Variants in ZNF354B observed in about 807,000 individuals in gnomAD.
ZNF354B encodes the protein zinc finger protein 354B.
Under a neutral mutation model 12.9 loss-of-function variants are expected in ZNF354B, and 10 were observed. The ratio of observed to expected loss-of-function variants is 0.77; its 90% CI spans 0.48 to 1.31. ZNF354B has a LOEUF of 1.31. ZNF354B is among the 40% of genes most tolerant of loss of function. The probability of loss-of-function intolerance (pLI) is 0.00; values close to 1 mark genes in which losing one functional copy is unlikely to be tolerated. For missense variants in ZNF354B, 614 were observed against 711.7 expected (o/e 0.86, Z 1.56); for synonymous variants, 260 against 243.7 (o/e 1.07, Z -0.62).
chr5:178,882,891 G>T lies in ZNF354B; in HGVS notation c.439G>T (p.Ala147Ser). 3 of 1,599,124 alleles carry T rather than the reference G, an allele frequency of 1.9e-6. No homozygotes were observed. In the South Asian group the frequency reaches 3.5e-5, roughly 18 times the overall value. The change falls in exon 5 of 5, where the codon GCC (alanine) becomes TCC (serine). Residue 147 changes from alanine to serine, a missense_variant. By Grantham distance (99) the Ala-to-Ser change is moderately conservative. Transcript: ENST00000322434. ...TGAAAATTTACAAATAATTTCAGTT[G>T]CCCATACAAAAATCCTTACTGTAGA... The part of the protein sequence containing the change: ...KNENLQIISV[A>S]HTKILTVDRS...
At chr5:178,875,558 A>G (rs553820871) in intron 4 of ZNF354B, among the ~76,000 whole-genome samples, 1 of 152,270 alleles carries the variant, frequency 6.6e-6, no homozygotes, top group South Asian at 2.1e-4. Context: ...AGCAAGGGCA[A>G]TACCACTGCA....
rs1031245461 is a variant in ZNF354B at position 178,884,018 on chromosome 5, T to A, written c.1566T>A (p.Tyr522Ter). The change falls in exon 5 of 5, where the codon TAT (tyrosine) becomes TAA (stop). Residue 522 changes from tyrosine (Y) to a stop codon, truncating the protein, a stop_gained. Transcript: ENST00000322434. LOFTEE classifies it low-confidence loss of function (END_TRUNC). ...HQRIHTGEKP[Y>*]RCLECGMSFG... ...GAATTCATACTGGAGAGAAACCATA[T>A]CGATGTTTAGAATGTGGGATGTCTT... 2 of 1,614,114 alleles carry A rather than the reference T, an allele frequency of 1.2e-6. No homozygotes were observed. Among genetic ancestry groups the A allele is most frequent in the Non-Finnish European group, 1.7e-6 (2 of 1,179,982 alleles).
chr5:178,883,692 G>C lies in ZNF354B; in HGVS notation c.1240G>C (p.Glu414Gln). The change falls in exon 5 of 5, where the codon GAA becomes CAA. Residue 414 changes from glutamate (E) to glutamine (Q), a missense_variant. Coordinates refer to ENST00000322434, the MANE Select transcript of ZNF354B (RefSeq NM_058230.3). ...HTGEKPYRCN[E>Q]CGKGFTSISR... ...CGGAGAAAAGCCCTATAGATGCAAT[G>C]AATGTGGGAAAGGCTTTACTTCTAT... The C allele has an allele frequency of 1.2e-6, 2 of 1,614,094 alleles. No individual in the cohort carries two copies. Among genetic ancestry groups the C allele is most frequent in the East Asian group, 4.5e-5 (2 of 44,862 alleles).
chr5:178,882,638 C>A, intron 4 of ZNF354B, 71 bp from the exon 5 acceptor site: 1 of 1,428,696 alleles, frequency 7.0e-7, no homozygotes, highest in South Asian at 1.6e-5. Context: ...TACAATTAAT[C>A]CCTTCTACAC....
chr5:178,869,836 C>G (rs976069606), intron 4 of ZNF354B, among the ~76,000 whole-genome samples: 4 of 152,104 alleles, frequency 2.6e-5, no homozygotes, highest in African/African-American at 9.7e-5. Flanking sequence ...AGATGGCATT[C>G]CTAGGGTGCT....
In ZNF354B at chr5:178,883,751, T is replaced by G. The variant is rs1333029984; in HGVS notation, c.1299T>G (p.Thr433=). 6.2e-7 allele frequency: 1 copy of G among 1,614,176 alleles called. No individual in the cohort carries two copies. The highest frequency in any genetic ancestry group is 1.7e-5 in the Admixed American group (1 of 60,022). Residue 433 remains threonine (T), a synonymous_variant, in exon 5 of 5, where the codon ACT becomes ACG. Coordinates refer to ENST00000322434, the MANE Select transcript of ZNF354B (RefSeq NM_058230.3). ...SRLNRHRIIH[T]GEKLYNCNEC... is the part of the protein sequence containing the mutation. ...TTAATAGACACCGAATAATTCATAC[T>G]GGAGAGAAATTGTATAATTGTAATG...
chr5:178,872,075 C>G (rs1296534507), intron 4 of ZNF354B, among the ~76,000 whole-genome samples: 1 of 152,188 alleles, frequency 6.6e-6, no homozygotes, highest in Admixed American at 6.5e-5. Flanking sequence ...CTTCAGTCAG[C>G]ACAGAGATCC....
chr5:178,865,160 G>A (rs1757428114), intron 2 of ZNF354B, among the ~76,000 whole-genome samples: 1 of 152,198 alleles, frequency 6.6e-6, no homozygotes, highest in Admixed American at 6.5e-5. Flanking sequence ...TATTAAGTAT[G>A]TGGTAGATTT....
intron 4 of ZNF354B, among the ~76,000 whole-genome samples, chr5:178,870,418 A>G (rs1378824224): frequency 6.6e-6 from 1 of 152,204 alleles, no homozygotes; most frequent in Non-Finnish European, 1.5e-5. Flanking sequence ...CTGGGATCAC[A>G]GGCACACGCC....
At chr5:178,867,957 A>T (rs1190416546) in intron 4 of ZNF354B, among the ~76,000 whole-genome samples, 1 of 152,206 alleles carries the variant, frequency 6.6e-6, no homozygotes, top group African/African-American at 2.4e-5. Context: ...AAGTGAGGCA[A>T]AACTAGAGGC....
At chr5:178,861,986 C>T (rs1281538537) in intron 2 of ZNF354B, among the ~76,000 whole-genome samples, 1 of 152,138 alleles carries the variant, frequency 6.6e-6, no homozygotes, top group African/African-American at 2.4e-5. Context: ...TGCTGAGTGA[C>T]ATTATTGTCT....
Position 178,883,163 on chromosome 5 carries a change from T to C in ZNF354B, c.711T>C (p.Thr237=), listed in dbSNP as rs760349931. The C allele has an allele frequency of 6.2e-7, 1 of 1,613,462 alleles. No homozygotes were observed. Among genetic ancestry groups the C allele is most frequent in the Admixed American group, 1.7e-5 (1 of 59,928 alleles). Reference sequence around the variant, plus strand: ...TTCGTAAACATCAGAAAAACCACACTGGAGAAAAATTATTTAAATGTAAAG... The same window carrying C: ...TTCGTAAACATCAGAAAAACCACACCGGAGAAAAATTATTTAAATGTAAAG... The part of the protein sequence containing the change: ...SSLRKHQKNH[T]GEKLFKCKEC... Residue 237 remains threonine (T), a synonymous_variant, in exon 5 of 5, where the codon ACT becomes ACC. Transcript: ENST00000322434.
chr5:178,871,512 G>T (rs1209608769), intron 4 of ZNF354B, among the ~76,000 whole-genome samples: 1 of 152,142 alleles, frequency 6.6e-6, no homozygotes, highest in African/African-American at 2.4e-5. Context: ...TAATAGACCT[G>T]TTTCTTCATG....
At position 178,884,149 on chromosome 5, in the gene ZNF354B, T is replaced by C. The variant is rs750963394; in HGVS notation, c.1697T>C (p.Ile566Thr). ...ACTTTTAGACAAAGCTCATCACTTA[T>C]TGCACATCAAAGAATTCATACTGGA... ...GKTFRQSSSL[I>T]AHQRIHTGEK... The change falls in exon 5 of 5, where the codon ATT becomes ACT. Residue 566 changes from isoleucine to threonine, a missense_variant. Ile to Thr is a moderately conservative substitution (Grantham distance 89). Transcript: ENST00000322434. 16 of 1,613,808 alleles carry C rather than the reference T, an allele frequency of 9.9e-6. No homozygotes were observed. Among genetic ancestry groups the C allele is most frequent in the South Asian group, 5.5e-5 (5 of 91,064 alleles).
intron 4 of ZNF354B, among the ~76,000 whole-genome samples, chr5:178,878,971 G>A (rs1328484296): frequency 6.6e-6 from 1 of 152,100 alleles, no homozygotes; most frequent in Non-Finnish European, 1.5e-5. Flanking sequence ...AAAGTGCTGG[G>A]ATTACGGGTG....
chr5:178,867,631 C>T (rs573115460), intron 4 of ZNF354B, among the ~76,000 whole-genome samples: 11 of 152,310 alleles, frequency 7.2e-5, no homozygotes, highest in Admixed American at 1.3e-4. Flanking sequence ...TGGTGAGCAT[C>T]ACCACCCTGA....
At chr5:178,875,237 T>C (rs10067521) in intron 4 of ZNF354B, among the ~76,000 whole-genome samples, 85,988 of 151,988 alleles carry the variant, frequency 0.57, 25,005 homozygotes, top group Non-Finnish European at 0.61. Context: ...TATGTTCGCT[T>C]CCTAGCTTGG....
chr5:178,884,471 AC>A lies in ZNF354B; in HGVS notation c.*181del. On this transcript the variant is annotated 3_prime_UTR_variant, in exon 5 of 5. Coordinates refer to ENST00000322434, the MANE Select transcript of ZNF354B (RefSeq NM_058230.3). The stretch of plus-strand genomic sequence containing the variant: ...CACTCACTTTTTAAAATATCCCGAG[AC>A]AGTTCACTGTTGCAGACATTGAAAT... 3.2e-6 allele frequency: 2 copies of A among 620,570 alleles called. No individual in the cohort carries two copies. The highest frequency in any genetic ancestry group is 5.2e-6 in the Non-Finnish European group (2 of 385,154). The allele number at this position is 620,570 out of a possible 1,614,324, so 38.4% of individuals were successfully genotyped here.
intron 4 of ZNF354B, among the ~76,000 whole-genome samples, chr5:178,873,617 C>T (rs1281171181): frequency 6.6e-6 from 1 of 152,094 alleles, no homozygotes; most frequent in African/African-American, 2.4e-5. Context: ...TTTTCTGTTC[C>T]ATTGTTCTGT....
Sources: gnomAD v4.1 joint callset for allele counts (sites outside exome capture counted in the v4.1 genomes callset) on GRCh38, gnomAD v4.1.1 for gene constraint, MANE v1.5 for transcripts, NCBI Gene and HGNC (gene_info 2026-07-23, HGNC 2026-07-21) for gene names.